The following NAAA variants were observed in gnomAD, a reference collection of about 807,000 sequenced individuals.
The protein encoded by NAAA is N-acylethanolamine-hydrolyzing acid amidase.
NAAA carries 39 observed loss-of-function variants against 44.8 expected under a neutral mutation model. The ratio of observed to expected loss-of-function variants is 0.87; its 90% CI spans 0.67 to 1.14. The LOEUF (loss-of-function observed/expected upper bound fraction) is 1.14. NAAA is among the 50% of genes most tolerant of loss of function. The pLI is 0.00. For synonymous variants in NAAA, 178 were observed against 191.3 expected, an observed-to-expected ratio of 0.93 and a Z score of 0.58; for missense variants, 460 against 467.8, an observed-to-expected ratio of 0.98 and a Z score of 0.15.
At chr4:75,919,080 C>T (rs1464329570) in intron 8 of NAAA, among the ~76,000 whole-genome samples, 1 of 151,572 alleles carries the variant, frequency 6.6e-6, no homozygotes, top group Non-Finnish European at 1.5e-5. Flanking sequence ...CTTGCTGTGT[C>T]ACCTGGGCTA....
chr4:75,917,173 C>G (rs1725703849), intron 9 of NAAA: 8 of 763,056 alleles, frequency 1.0e-5, no homozygotes, highest in Non-Finnish European at 1.3e-5. Flanking sequence ...ATTAAAAGGG[C>G]AACATTGTGC....
downstream of NAAA, among the ~76,000 whole-genome samples, chr4:75,912,535 C>T (rs1725369827): frequency 1.4e-5 from 2 of 138,490 alleles, no homozygotes; most frequent in South Asian, 4.5e-4. Flanking sequence ...GCCTGGGTGA[C>T]AGAGGGAGAC....
chr4:75,923,051 G>C (rs1726323029), intron 5 of NAAA, among the ~76,000 whole-genome samples: 1 of 151,230 alleles, frequency 6.6e-6, no homozygotes, highest in Admixed American at 6.6e-5. Context: ...TTTTAGTCTA[G>C]GTCCCAGAGT....
Position 75,914,134 on chromosome 4 carries a change from G to C in NAAA, c.*241C>G. 1 of 985,656 alleles carries C rather than the reference G, an allele frequency of 1.0e-6. No individual in the cohort carries two copies. Among genetic ancestry groups the C allele is most frequent in the Non-Finnish European group, 1.2e-6 (1 of 829,940 alleles). 61.1% of individuals were successfully genotyped at this position (985,656 alleles called of 1,614,324 possible). On this transcript the variant is annotated 3_prime_UTR_variant, in exon 11 of 11. Transcript: ENST00000286733. ...CCAGGATAGAAGCTTAGAGAGGATCGAGGCAAACCATGAAGGGAAGGGAAT... is the reference window on the plus strand; with the variant it reads ...CCAGGATAGAAGCTTAGAGAGGATCCAGGCAAACCATGAAGGGAAGGGAAT...
At chr4:75,919,547 C>T (rs1436120025) in intron 8 of NAAA, 11 of 292,318 alleles carry the variant, frequency 3.8e-5, no homozygotes, top group African/African-American at 2.0e-4. Flanking sequence ...GGCGCAATCT[C>T]GGCTCACTGC....
intron 1 of NAAA, 51 bp downstream of exon 1, chr4:75,940,693 C>T (rs747101956): frequency 5.2e-6 from 8 of 1,551,158 alleles, no homozygotes; most frequent in Non-Finnish European, 6.9e-6. Flanking sequence ...CGTTTGACTC[C>T]GACCCGCAGG....
chr4:75,932,182 T>G (rs1322020964), intron 3 of NAAA, among the ~76,000 whole-genome samples: 1 of 152,154 alleles, frequency 6.6e-6, no homozygotes, highest in Non-Finnish European at 1.5e-5. Flanking sequence ...TGAACCGAGA[T>G]AGCGCCATCA....
At chr4:75,925,673 A>G (rs1726608810) in intron 5 of NAAA, 62 bp downstream of exon 5, 1 of 1,493,826 alleles carries the variant, frequency 6.7e-7, no homozygotes, top group Non-Finnish European at 9.3e-7. Context: ...TTGTTAAATG[A>G]CACAGAACAG....
Position 75,915,003 on chromosome 4 carries a change from A to C in NAAA, c.999-18T>G, listed in dbSNP as rs762343814. 4 of 1,545,086 alleles carry C rather than the reference A, an allele frequency of 2.6e-6. No homozygotes were observed. The highest frequency in any genetic ancestry group is 3.6e-6 in the Non-Finnish European group (4 of 1,117,590). On this transcript the variant is annotated intron_variant, in intron 9 of 10. Transcript: ENST00000286733. Reference sequence around the variant, plus strand: ...TTGTGAAGCTGAAAATTATGAGGAAATTTTATGTACACATCATTTTCTCTA... The same window carrying C: ...TTGTGAAGCTGAAAATTATGAGGAACTTTTATGTACACATCATTTTCTCTA...
intron 3 of NAAA, among the ~76,000 whole-genome samples, chr4:75,933,450 C>T (rs1054066230): frequency 1.3e-5 from 2 of 152,090 alleles, no homozygotes; most frequent in African/African-American, 2.4e-5. Flanking sequence ...GTCTTCCTTA[C>T]TACTCAAATG....
chr4:75,939,073 G>C (rs1470960758), intron 2 of NAAA, among the ~76,000 whole-genome samples: 1 of 152,066 alleles, frequency 6.6e-6, no homozygotes, highest in Non-Finnish European at 1.5e-5. Flanking sequence ...GGCTGGTCTT[G>C]AACTCCTGAC....
At position 75,914,039 on chromosome 4, in the gene NAAA, T is replaced by C; in HGVS notation, c.*336A>G. On this transcript the variant is annotated 3_prime_UTR_variant, in exon 11 of 11. Transcript: ENST00000286733. The stretch of plus-strand genomic sequence containing the variant: ...AAGCAAAGGTATGATGGCAGAATCA[T>C]GAGAAGATGGAAATAAGGCCTGAGG... 2 of 985,416 alleles carry C rather than the reference T, an allele frequency of 2.0e-6. No individual in the cohort carries two copies. Among genetic ancestry groups the C allele is most frequent in the Non-Finnish European group, 2.4e-6 (2 of 829,922 alleles). 61.0% of individuals were successfully genotyped at this position (985,416 alleles called of 1,614,324 possible).
intron 8 of NAAA, 129 bp downstream of exon 8, chr4:75,919,780 T>A: frequency 1.1e-6 from 1 of 948,174 alleles, no homozygotes; most frequent in Non-Finnish European, 1.7e-6. Context: ...TTTTAATACA[T>A]GATTTCAACC....
At chr4:75,914,378 A>ATTT in intron 10 of NAAA, 40 bp from the exon 11 acceptor site, 35 of 723,078 alleles carry the variant, frequency 4.8e-5, no homozygotes, top group Admixed American at 6.9e-5. Context: ...TCAAAGACTG[A>ATTT]TTTTTTTTTT....
Position 75,936,238 on chromosome 4 carries a change from G to A in NAAA, c.372-3C>T, listed in dbSNP as rs375761016. The A allele has an allele frequency of 6.2e-7, 1 of 1,611,158 alleles. No homozygotes were observed. The highest frequency in any genetic ancestry group is 8.5e-7 in the Non-Finnish European group (1 of 1,179,012). On this transcript the variant is annotated splice_polypyrimidine_tract_variant and splice_region_variant and intron_variant, in intron 2 of 10. Coordinates refer to ENST00000286733, the MANE Select transcript of NAAA (RefSeq NM_014435.4). Reference sequence around the variant, plus strand: ...GAGCCACAATACTGGTGCAGAACCTGAGAAAAGGGAAAAGTCCAACATGAA... The same window carrying A: ...GAGCCACAATACTGGTGCAGAACCTAAGAAAAGGGAAAAGTCCAACATGAA...
chr4:75,925,675 A>G (rs1726609734), intron 5 of NAAA, 60 bp downstream of exon 5: 2 of 1,506,928 alleles, frequency 1.3e-6, no homozygotes, highest in South Asian at 2.3e-5. Context: ...GTTAAATGAC[A>G]CAGAACAGTT....
rs200736029 is a variant in NAAA at position 75,921,032 on chromosome 4, G to A, written c.758C>T (p.Thr253Met). The A allele has an allele frequency of 7.0e-5, 112 of 1,607,622 alleles. No individual in the cohort carries two copies. In the Admixed American group the frequency reaches 1.5e-3, roughly 21 times the overall value. ...GATGACCACCCCCTCCCGGGGGGAC[G>A]TGCCACCAACAATGTAATAAACATC... is the stretch of plus-strand genomic sequence containing the variant. The part of the protein sequence containing the change: ...IADVYYIVGG[T>M]SPREGVVITR... The change falls in exon 6 of 11, where the codon ACG becomes ATG. Residue 253 changes from threonine to methionine, a missense_variant. Thr to Met is a moderately conservative substitution (Grantham distance 81, BLOSUM62 -1). Coordinates refer to ENST00000286733, the MANE Select transcript of NAAA (RefSeq NM_014435.4).
rs975893596 is a variant in NAAA, at chr4:75,925,750, G to C, written c.651C>G (p.Ser217Arg). The C allele has an allele frequency of 3.7e-6, 6 of 1,614,198 alleles. No individual in the cohort carries two copies. In the South Asian group the frequency reaches 6.6e-5, roughly 18 times the overall value. Reference sequence around the variant, plus strand: ...ATATACTCACAGCGCGGATCAGCCAGCTGACGGGAATGTGTCTCCGAAACA... The same window carrying C: ...ATATACTCACAGCGCGGATCAGCCACCTGACGGGAATGTGTCTCCGAAACA... Reference protein sequence around the residue: ...AALFRRHIPVSWLIRATLSES... With the variant: ...AALFRRHIPVRWLIRATLSES... The change falls in exon 5 of 11, where the codon AGC becomes AGG. Residue 217 changes from serine (S) to arginine (R), a missense_variant. Coordinates refer to ENST00000286733, the MANE Select transcript of NAAA (RefSeq NM_014435.4).
chr4:75,940,873 G>A lies in NAAA; in HGVS notation c.77C>T (p.Ser26Leu). ...CGGCGCTGCTGGGGGCGAGGCGGCT[G>A]ACAGCCCGGCCCCGGCCAGCAGCAG... ...LLLLLAGAGL[S>L]AASPPAAPRF... Residue 26 changes from serine to leucine, a missense_variant, in exon 1 of 11, where the codon TCA (serine) becomes TTA (leucine). By Grantham distance (145) the Ser-to-Leu change is moderately radical. Transcript: ENST00000286733. The A allele has an allele frequency of 6.4e-7, 1 of 1,569,952 alleles. No individual in the cohort carries two copies. The highest frequency in any genetic ancestry group is 8.6e-7 in the Non-Finnish European group (1 of 1,167,832).
Sources: gnomAD v4.1 joint callset for allele counts (sites outside exome capture counted in the v4.1 genomes callset) on GRCh38, gnomAD v4.1.1 for gene constraint, MANE v1.5 for transcripts, NCBI Gene and HGNC (gene_info 2026-07-23, HGNC 2026-07-21) for gene names.